Variants in PDE1C observed in about 807,000 individuals in gnomAD.
PDE1C encodes the protein dual specificity calcium/calmodulin-dependent 3',5'-cyclic nucleotide phosphodiesterase 1C.
PDE1C carries 62 observed loss-of-function variants against 93.1 expected under a neutral mutation model. The observed-to-expected ratio is 0.67, with a 90% CI of 0.54 to 0.82. PDE1C has a LOEUF of 0.82. Ranked by LOEUF, PDE1C falls within the 40% of genes least tolerant of loss-of-function variation. The probability of loss-of-function intolerance (pLI) is 0.00; values close to 1 mark genes in which losing one functional copy is unlikely to be tolerated. For synonymous variants in PDE1C, 325 were observed against 310.1 expected, an observed-to-expected ratio of 1.05 and a Z score of -0.50; for missense variants, 742 against 884.6, an observed-to-expected ratio of 0.84 and a Z score of 2.04.
At chr7:32,142,593 G>A (rs1458860181) in intron 3 of PDE1C, among the ~76,000 whole-genome samples, 1 of 152,142 alleles carries the variant, frequency 6.6e-6, no homozygotes, top group Non-Finnish European at 1.5e-5. Context: ...GTGTGCAGGT[G>A]GAGATAACAT....
the PDE1C span, among the ~76,000 whole-genome samples, chr7:31,739,630 A>G: frequency 6.6e-6 from 1 of 152,208 alleles, no homozygotes; most frequent in South Asian, 2.1e-4. Context: ...GAGCTACAGA[A>G]TAAGTTCAAT....
At chr7:32,334,968 G>A (rs1486992187) in intron 1 of PDE1C, among the ~76,000 whole-genome samples, 2 of 152,006 alleles carry the variant, frequency 1.3e-5, no homozygotes, top group Non-Finnish European at 2.9e-5. Context: ...GTATTCTGTA[G>A]ATCTTGGCAG....
chr7:32,178,194 A>C (rs1453498348), intron 2 of PDE1C, among the ~76,000 whole-genome samples: 1 of 152,186 alleles, frequency 6.6e-6, no homozygotes, highest in African/African-American at 2.4e-5. Context: ...TCTGTGCTAG[A>C]AAATACAGCC....
chr7:32,019,149 T>TAA (rs1563202779), intron 2 of PDE1C, among the ~76,000 whole-genome samples: 6 of 145,862 alleles, frequency 4.1e-5, no homozygotes, highest in African/African-American at 1.6e-4. Flanking sequence ...TTATGTTGTT[T>TAA]TAAAAAAAAA....
chr7:31,720,344 C>T, the PDE1C span, among the ~76,000 whole-genome samples: 1 of 152,110 alleles, frequency 6.6e-6, no homozygotes, highest in Non-Finnish European at 1.5e-5. Flanking sequence ...CCCTTGAGAG[C>T]AGGGTCAGAA....
intron 1 of PDE1C, among the ~76,000 whole-genome samples, chr7:32,267,586 A>ACTCTCTCACTCTCTCT (rs1810686756): frequency 8.5e-6 from 1 of 117,536 alleles, no homozygotes; most frequent in African/African-American, 3.4e-5. Context: ...ACACACACAC[A>ACTCTCTCACTCTCTCT]CTCTCTCTCT....
At chr7:31,936,495 GAC>G (rs1456259594) in intron 2 of PDE1C, among the ~76,000 whole-genome samples, 1 of 151,100 alleles carries the variant, frequency 6.6e-6, no homozygotes, top group Non-Finnish European at 1.5e-5. Context: ...ACAGGCATCA[GAC>G]ACACATCTAT....
intron 1 of PDE1C, among the ~76,000 whole-genome samples, chr7:32,313,529 T>C (rs1451649378): frequency 6.6e-6 from 1 of 151,694 alleles, no homozygotes; most frequent in Non-Finnish European, 1.5e-5. Context: ...ATAGACTGGA[T>C]TAAGAAAATA....
chr7:32,235,431 C>A (rs1562604872), intron 1 of PDE1C, among the ~76,000 whole-genome samples: 1 of 151,858 alleles, frequency 6.6e-6, no homozygotes, highest in African/African-American at 2.4e-5. Flanking sequence ...AAAAAAACTC[C>A]TAGAACTAAT....
intron 1 of PDE1C, among the ~76,000 whole-genome samples, chr7:32,324,859 G>T (rs1585109516): frequency 6.6e-6 from 1 of 152,114 alleles, no homozygotes; most frequent in South Asian, 2.1e-4. Context: ...TGAGGTGGGA[G>T]GATCGCTTGA....
chr7:32,280,668 T>C (rs1461538191), intron 1 of PDE1C, among the ~76,000 whole-genome samples: 2 of 152,190 alleles, frequency 1.3e-5, no homozygotes, highest in Admixed American at 6.5e-5. Flanking sequence ...TCTAAAAATT[T>C]TCTAATGAAA....
intron 1 of PDE1C, among the ~76,000 whole-genome samples, chr7:32,342,911 C>T (rs1227412129): frequency 2.6e-5 from 4 of 152,078 alleles, no homozygotes; most frequent in Admixed American, 1.3e-4. Flanking sequence ...TATTTGTAAG[C>T]GAAACTTAGG....
chr7:32,313,154 T>G (rs2128905134), intron 1 of PDE1C, among the ~76,000 whole-genome samples: 1 of 152,068 alleles, frequency 6.6e-6, no homozygotes, highest in East Asian at 1.9e-4. Context: ...CATGAAAAAA[T>G]GCTCATCTTC....
At chr7:32,107,062 C>T (rs1454045722) in intron 3 of PDE1C, among the ~76,000 whole-genome samples, 1 of 150,590 alleles carries the variant, frequency 6.6e-6, no homozygotes, top group Non-Finnish European at 1.5e-5. Flanking sequence ...TTGGTGGACT[C>T]ATCAGTAGAA....
chr7:31,707,970 A>AC, the PDE1C span: 1 of 152,194 alleles, frequency 6.6e-6, no homozygotes, highest in African/African-American at 2.4e-5. Flanking sequence ...TGTTTTTAAA[A>AC]ATATTTCTTA....
At chr7:31,663,450 G>GT in the PDE1C span, among the ~76,000 whole-genome samples, 1 of 152,182 alleles carries the variant, frequency 6.6e-6, no homozygotes, top group Non-Finnish European at 1.5e-5. Context: ...TTATCTTGCA[G>GT]TTTTTTCTGT....
intron 1 of PDE1C, among the ~76,000 whole-genome samples, chr7:32,067,881 G>T (rs950233117): frequency 1.3e-5 from 2 of 152,168 alleles, no homozygotes; most frequent in Non-Finnish European, 2.9e-5. Flanking sequence ...CATCTACTAT[G>T]TGCTAAATGC....
At chr7:32,298,748 CG>C (rs749842287) in exon 1 of PDE1C, 1 of 1,580,588 alleles carries the variant, frequency 6.3e-7, no homozygotes, top group South Asian at 1.2e-5. Flanking sequence ...CTCGGCCGGC[CG>C]GGCAGGGGCC....
intron 1 of PDE1C, among the ~76,000 whole-genome samples, chr7:32,416,738 G>A (rs1785283021): frequency 6.6e-6 from 1 of 152,082 alleles, no homozygotes; most frequent in Non-Finnish European, 1.5e-5. Flanking sequence ...TCAGGCTCAG[G>A]ATGGGGGTCT....
Sources: allele counts gnomAD v4.1 joint callset (sites outside exome capture counted in the v4.1 genomes callset), GRCh38; gene constraint gnomAD v4.1.1; transcripts MANE v1.5; gene names NCBI Gene and HGNC (gene_info 2026-07-23, HGNC 2026-07-21).